KLHL1: variants seen among roughly 807,000 people sequenced by gnomAD.
KLHL1 encodes the protein kelch like family member 1, also known as kelch-like protein 1.
Under a neutral mutation model 77.7 loss-of-function variants are expected in KLHL1, and 47 were observed. That is an observed-to-expected ratio of 0.60 (90% CI 0.48 to 0.77). The LOEUF is 0.77. Ranked by LOEUF, KLHL1 falls within the 30% of genes least tolerant of loss-of-function variation. The pLI is 0.00. For missense variants in KLHL1, 925 were observed against 910.8 expected (o/e 1.02, Z -0.20); for synonymous variants, 360 against 325.2 (o/e 1.11, Z -1.15).
intron 3 of KLHL1, among the ~76,000 whole-genome samples, chr13:69,952,883 TC>T (rs1883755518): frequency 6.6e-6 from 1 of 151,268 alleles, no homozygotes; most frequent in South Asian, 2.1e-4. Context: ...TTGCTTGTTT[TC>T]CCCCCATACT....
chr13:69,800,504 T>C (rs1276244177), intron 6 of KLHL1, among the ~76,000 whole-genome samples: 1 of 152,216 alleles, frequency 6.6e-6, no homozygotes. Context: ...AGCTTACTCA[T>C]ACTAGCCAAT....
chr13:70,067,364 T>G (rs1222033491), intron 1 of KLHL1, among the ~76,000 whole-genome samples: 1 of 152,330 alleles, frequency 6.6e-6, no homozygotes, highest in African/African-American at 2.4e-5. Context: ...TCCATTCTTA[T>G]TTTATATTGA....
chr13:70,079,904 T>C (rs963688802), intron 1 of KLHL1, among the ~76,000 whole-genome samples: 9 of 151,942 alleles, frequency 5.9e-5, no homozygotes, highest in African/African-American at 2.2e-4. Context: ...AAGTGAAGAG[T>C]TTTTTAGAAC....
At chr13:69,822,894 G>A (rs1403683042) in intron 6 of KLHL1, among the ~76,000 whole-genome samples, 5 of 151,946 alleles carry the variant, frequency 3.3e-5, no homozygotes, top group East Asian at 1.9e-4. Flanking sequence ...TAAATATAGT[G>A]GGTTTAAAAT....
At chr13:70,027,110 A>T (rs2137360310) in intron 1 of KLHL1, among the ~76,000 whole-genome samples, 1 of 152,278 alleles carries the variant, frequency 6.6e-6, no homozygotes, top group Non-Finnish European at 1.5e-5. Flanking sequence ...GAAATACTAA[A>T]TGGAGAATGA....
intron 1 of KLHL1, among the ~76,000 whole-genome samples, chr13:70,106,008 G>A (rs961960691): frequency 6.6e-6 from 1 of 150,412 alleles, no homozygotes; most frequent in Non-Finnish European, 1.5e-5. Context: ...GTATATAATT[G>A]AAAATTTTTA....
At chr13:70,031,890 G>A (rs1350700802) in intron 1 of KLHL1, among the ~76,000 whole-genome samples, 5 of 152,148 alleles carry the variant, frequency 3.3e-5, no homozygotes, top group South Asian at 2.1e-4. Flanking sequence ...CAATAGCCGG[G>A]AAAAGAGCAA....
chr13:69,801,607 A>G (rs1177626169), intron 6 of KLHL1, among the ~76,000 whole-genome samples: 1 of 152,126 alleles, frequency 6.6e-6, no homozygotes, highest in African/African-American at 2.4e-5. Context: ...AAAGTATCTT[A>G]ACCTGATGTA....
intron 7 of KLHL1, among the ~76,000 whole-genome samples, chr13:69,752,862 A>T (rs1426321440): frequency 1.3e-5 from 2 of 152,166 alleles, no homozygotes; most frequent in South Asian, 4.1e-4. Context: ...AAGTGTGCTC[A>T]CTCATAACTG....
At chr13:69,877,106 A>G (rs1880799403) in intron 5 of KLHL1, among the ~76,000 whole-genome samples, 1 of 152,072 alleles carries the variant, frequency 6.6e-6, no homozygotes. Flanking sequence ...AACCTTCTAA[A>G]TAATCTCTGA....
At chr13:70,087,032 G>C (rs1191997306) in intron 1 of KLHL1, among the ~76,000 whole-genome samples, 1 of 152,116 alleles carries the variant, frequency 6.6e-6, no homozygotes, top group Non-Finnish European at 1.5e-5. Context: ...CTGATATGTG[G>C]CAAGACTAGA....
At chr13:69,787,900 G>GA (rs1163671280) in intron 7 of KLHL1, among the ~76,000 whole-genome samples, 2 of 152,152 alleles carry the variant, frequency 1.3e-5, no homozygotes, top group Non-Finnish European at 2.9e-5. Context: ...AAAAACACAT[G>GA]AAAAAATGCT....
intron 4 of KLHL1, among the ~76,000 whole-genome samples, chr13:69,920,923 A>T (rs1882611886): frequency 6.6e-6 from 1 of 152,216 alleles, no homozygotes; most frequent in Non-Finnish European, 1.5e-5. Context: ...AGCAGTCATA[A>T]ATGCTAACTT....
intron 4 of KLHL1, among the ~76,000 whole-genome samples, chr13:69,902,403 T>C (rs1033997247): frequency 6.6e-6 from 1 of 152,034 alleles, no homozygotes; most frequent in Non-Finnish European, 1.5e-5. Flanking sequence ...AAAAAGGACA[T>C]AGATTTATCA....
intron 4 of KLHL1, among the ~76,000 whole-genome samples, chr13:69,889,179 T>C (rs1017045445): frequency 6.6e-6 from 1 of 152,096 alleles, no homozygotes; most frequent in Non-Finnish European, 1.5e-5. Context: ...CACTGACATA[T>C]TGCTGTCAAG....
chr13:69,781,578 T>C (rs1221126823), intron 7 of KLHL1, among the ~76,000 whole-genome samples: 1 of 152,166 alleles, frequency 6.6e-6, no homozygotes, highest in Non-Finnish European at 1.5e-5. Flanking sequence ...TCATTGCTGC[T>C]CATTCATGCT....
intron 7 of KLHL1, among the ~76,000 whole-genome samples, chr13:69,768,261 T>C (rs1321884561): frequency 6.6e-6 from 1 of 152,190 alleles, no homozygotes; most frequent in Non-Finnish European, 1.5e-5. Context: ...TAAAAGAATT[T>C]AGAGTATGGA....
At chr13:69,883,193 C>A (rs541858839) in intron 4 of KLHL1, among the ~76,000 whole-genome samples, 15 of 152,238 alleles carry the variant, frequency 9.9e-5, no homozygotes, top group Admixed American at 7.2e-4. Context: ...TAAATGTGCT[C>A]ATGGTTTTAT....
intron 6 of KLHL1, among the ~76,000 whole-genome samples, chr13:69,823,584 A>G (rs1371054897): frequency 1.3e-5 from 2 of 152,052 alleles, no homozygotes; most frequent in Non-Finnish European, 2.9e-5. Flanking sequence ...GTGGAAATTT[A>G]TATCTATTTT....
Sources: gnomAD v4.1 joint callset for allele counts (sites outside exome capture counted in the v4.1 genomes callset) on GRCh38, gnomAD v4.1.1 for gene constraint, MANE v1.5 for transcripts, NCBI Gene and HGNC (gene_info 2026-07-23, HGNC 2026-07-21) for gene names.